Variants in SV2C observed in about 807,000 individuals in gnomAD.
The protein encoded by SV2C is synaptic vesicle glycoprotein 2C.
In SV2C, 49 loss-of-function variants were observed where a neutral mutation model predicts 79.7. That is an observed-to-expected ratio of 0.61 (90% CI 0.49 to 0.78). The LOEUF (loss-of-function observed/expected upper bound fraction) is 0.78, where lower values mean the gene tolerates loss of function less well. Among genes scored for constraint, SV2C ranks in the 30% least tolerant of loss-of-function variants. The pLI, the probability that SV2C is intolerant of heterozygous loss-of-function variation, is 0.00. For synonymous variants in SV2C, 334 were observed against 333.2 expected, an observed-to-expected ratio of 1.00 and a Z score of -0.03; for missense variants, 833 against 912.9, an observed-to-expected ratio of 0.91 and a Z score of 1.13.
intron 1 of SV2C, among the ~76,000 whole-genome samples, chr5:76,107,020 C>T (rs1433431823): frequency 6.6e-6 from 1 of 152,096 alleles, no homozygotes; most frequent in Non-Finnish European, 1.5e-5. Context: ...ATTCACAAAT[C>T]ATAAATAGAA....
chr5:75,854,989 A>G, the SV2C span, among the ~76,000 whole-genome samples: 18 of 152,304 alleles, frequency 1.2e-4, no homozygotes, highest in Non-Finnish European at 8.8e-5. Flanking sequence ...CTATATGTCT[A>G]TGCTTAAACC....
the SV2C span, among the ~76,000 whole-genome samples, chr5:75,861,174 C>T: frequency 1.3e-5 from 2 of 152,066 alleles, no homozygotes; most frequent in African/African-American, 4.8e-5. Context: ...GAAACATGAA[C>T]ATGAACAGGG....
At chr5:75,910,613 G>A in the SV2C span, 1 of 796,306 alleles carries the variant, frequency 1.3e-6, no homozygotes, top group Non-Finnish European at 2.2e-6. Flanking sequence ...TTGAAAACTT[G>A]TGGATTATGA....
At chr5:76,056,838 G>C in the SV2C span, among the ~76,000 whole-genome samples, 1 of 151,622 alleles carries the variant, frequency 6.6e-6, no homozygotes, top group Non-Finnish European at 1.5e-5. Flanking sequence ...GTTTTTCTGT[G>C]GGATCAGTGG....
chr5:75,938,926 G>C, the SV2C span, among the ~76,000 whole-genome samples: 1 of 152,056 alleles, frequency 6.6e-6, no homozygotes, highest in African/African-American at 2.4e-5. Flanking sequence ...TCTTGATTTG[G>C]GGGTGGTAAA....
intron 12 of SV2C, chr5:76,311,561 C>CA (rs1366533945): frequency 2.0e-5 from 3 of 152,152 alleles, no homozygotes; most frequent in Non-Finnish European, 4.4e-5. Flanking sequence ...ATTGAATATA[C>CA]AAGTCATTGT....
the SV2C span, among the ~76,000 whole-genome samples, chr5:75,875,690 A>C: frequency 2.0e-5 from 3 of 152,210 alleles, no homozygotes; most frequent in African/African-American, 7.2e-5. Context: ...CAAAGGTCTA[A>C]TATTTAGCAT....
chr5:76,101,466 G>A (rs1013219063), intron 1 of SV2C, among the ~76,000 whole-genome samples: 4 of 152,236 alleles, frequency 2.6e-5, no homozygotes, highest in South Asian at 4.1e-4. Context: ...TGTCTCTTGA[G>A]TGCTAGGCAC....
At chr5:76,264,186 T>G (rs1746569384) in intron 4 of SV2C, among the ~76,000 whole-genome samples, 1 of 151,868 alleles carries the variant, frequency 6.6e-6, no homozygotes, top group Non-Finnish European at 1.5e-5. Flanking sequence ...TAAGTTGATC[T>G]TCAGTCTCTG....
At chr5:76,168,824 T>C (rs1194878512) in intron 2 of SV2C, among the ~76,000 whole-genome samples, 1 of 152,228 alleles carries the variant, frequency 6.6e-6, no homozygotes. Context: ...GCGACACTTT[T>C]AACCCCGAAG....
intron 4 of SV2C, among the ~76,000 whole-genome samples, chr5:76,262,793 A>C (rs548786500): frequency 2.6e-5 from 4 of 151,828 alleles, no homozygotes; most frequent in Non-Finnish European, 2.9e-5. Context: ...GTGGTCTGAG[A>C]GACTGACTGT....
the SV2C span, among the ~76,000 whole-genome samples, chr5:75,981,633 A>G: frequency 7.2e-4 from 109 of 152,292 alleles, 1 homozygote; most frequent in Admixed American, 3.9e-3. Flanking sequence ...TCCCTATTTG[A>G]CAAATGGTGC....
chr5:75,934,174 G>A, the SV2C span, among the ~76,000 whole-genome samples: 1 of 152,134 alleles, frequency 6.6e-6, no homozygotes. Context: ...TGATCTGATT[G>A]CAGGAGCAAT....
At position 76,242,337 on chromosome 5, in the gene SV2C, G is replaced by C. The variant is rs1480782546; in HGVS notation, c.913+32450G>C. 2.1e-6 allele frequency: 3 copies of C among 1,427,314 alleles called. 1 individual carries two copies. Among genetic ancestry groups the C allele is most frequent in the South Asian group, 1.2e-5 (1 of 86,218 alleles). The allele number at this position is 1,427,314 out of a possible 1,614,324, so 88.4% of individuals were successfully genotyped here. A position where few individuals can be genotyped will look rare whatever the true frequency, so the allele number is the denominator to read the frequency against. On this transcript the variant is annotated intron_variant, in intron 4 of 12. Transcript: ENST00000502798. ...GCAGCGGGACATAGGTGCTGGACGC[G>C]GGACGCAGCGGCGCGCGGGCTTTGG...
At chr5:75,989,173 A>C in the SV2C span, among the ~76,000 whole-genome samples, 1 of 151,792 alleles carries the variant, frequency 6.6e-6, no homozygotes, top group Non-Finnish European at 1.5e-5. Flanking sequence ...TCATGGGTAC[A>C]CGTGCAGGAG....
chr5:76,009,626 G>A, the SV2C span, among the ~76,000 whole-genome samples: 1 of 152,148 alleles, frequency 6.6e-6, no homozygotes, highest in Admixed American at 6.6e-5. Flanking sequence ...TGGAGCTGGA[G>A]GCCATTTCCT....
chr5:75,964,821 T>C, the SV2C span, among the ~76,000 whole-genome samples: 4 of 152,146 alleles, frequency 2.6e-5, no homozygotes, highest in Non-Finnish European at 5.9e-5. Context: ...AGTCTTGGGG[T>C]ACGGAAGGAT....
intron 1 of SV2C, among the ~76,000 whole-genome samples, chr5:76,123,332 A>T (rs1218125169): frequency 1.3e-5 from 2 of 152,186 alleles, no homozygotes; most frequent in Non-Finnish European, 2.9e-5. Flanking sequence ...TTCTGAAACT[A>T]TTCCAATCAA....
intron 12 of SV2C, among the ~76,000 whole-genome samples, chr5:76,319,043 A>C (rs551004357): frequency 4.5e-4 from 68 of 152,326 alleles, no homozygotes; most frequent in African/African-American, 1.5e-3. Context: ...TATTTATTTT[A>C]TAAACAGATA....
Sources: allele counts gnomAD v4.1 joint callset (sites outside exome capture counted in the v4.1 genomes callset), GRCh38; gene constraint gnomAD v4.1.1; transcripts MANE v1.5; gene names NCBI Gene and HGNC (gene_info 2026-07-23, HGNC 2026-07-21).